Variants in SPTBN2 observed in about 807,000 individuals in gnomAD.
SPTBN2 encodes the protein spectrin beta chain, non-erythrocytic 2.
A neutral mutation model predicts 284.2 loss-of-function variants in SPTBN2; 107 were observed. The observed-to-expected ratio is 0.38, with a 90% CI of 0.32 to 0.44. The LOEUF (loss-of-function observed/expected upper bound fraction) is 0.44, where lower values mean the gene tolerates loss of function less well. SPTBN2 is among the 20% of genes least tolerant of loss of function. The pLI is 1.00. For synonymous variants in SPTBN2, 1,289 were observed against 1,354.8 expected, an observed-to-expected ratio of 0.95 and a Z score of 1.07; for missense variants, 2,569 against 3,287.1, an observed-to-expected ratio of 0.78 and a Z score of 5.34.
At chr11:66,740,889 G>A (rs1347621378) in intron 1 of SPTBN2, among the ~76,000 whole-genome samples, 1 of 152,076 alleles carries the variant, frequency 6.6e-6, no homozygotes, top group African/African-American at 2.4e-5. Flanking sequence ...AACAAGGTGG[G>A]GCCTTAAGAA....
chr11:66,727,712 C>A (rs1942671325), intron 1 of SPTBN2, among the ~76,000 whole-genome samples: 2 of 152,010 alleles, frequency 1.3e-5, no homozygotes, highest in Admixed American at 1.3e-4. Context: ...GCCAAAGAGG[C>A]GAGGAGGAGC....
In SPTBN2 at chr11:66,700,777, C is replaced by A. The variant is rs1477945668; in HGVS notation, c.3322G>T (p.Ala1108Ser). ...CGCTCCACCTCTCCCCGCAGGGCTG[C>A]ATGTTGGGCCAGGAGGGCCTCTGCC... ...PEAEALLAQHAALRGEVERAQ... is the reference protein window; with the variant it reads ...PEAEALLAQHSALRGEVERAQ... Residue 1108 changes from alanine (A) to serine (S), a missense_variant, in exon 17 of 38, where the codon GCA becomes TCA. Around this residue, in one of 6 missense-constraint regions of SPTBN2, gnomAD observed 1,012 missense variants for 1,248.9 expected, o/e 0.81. Coordinates refer to ENST00000533211, the MANE Select transcript of SPTBN2 (RefSeq NM_006946.4). The surrounding 1 kb of genome is among the most constrained non-coding windows in gnomAD (Gnocchi z 6.6). 1.2e-6 allele frequency: 2 copies of A among 1,601,862 alleles called. No individual in the cohort carries two copies. Among genetic ancestry groups the A allele is most frequent in the South Asian group, 2.2e-5 (2 of 91,054 alleles).
chr11:66,699,282 C>T (rs2135401347), intron 18 of SPTBN2, 124 bp downstream of exon 18: 1 of 1,327,950 alleles, frequency 7.5e-7, no homozygotes, highest in East Asian at 2.4e-5. Context: ...TAGTTCTTCC[C>T]CTCTACTTCT....
At position 66,705,483 on chromosome 11, in the gene SPTBN2, G is replaced by C. The variant is rs763704842; in HGVS notation, c.1808-15C>G. On this transcript the variant is annotated splice_polypyrimidine_tract_variant and intron_variant, in intron 14 of 37. Transcript: ENST00000533211. ...AGGTCTATACTCTGAGAAAGTCACA[G>C]GAGAGGGTCAGAGCCTTAACCCAGC... 6.2e-7 allele frequency: 1 copy of C among 1,612,862 alleles called. No homozygotes were observed. The highest frequency in any genetic ancestry group is 2.2e-5 in the East Asian group (1 of 44,884).
At chr11:66,737,848 G>A (rs1291971897) in intron 1 of SPTBN2, among the ~76,000 whole-genome samples, 4 of 152,110 alleles carry the variant, frequency 2.6e-5, no homozygotes, top group Non-Finnish European at 5.9e-5. Context: ...AAGAGGTGGG[G>A]ATAAAGGAAA....
At chr11:66,724,591 G>A (rs1942546554) in intron 1 of SPTBN2, among the ~76,000 whole-genome samples, 1 of 152,140 alleles carries the variant, frequency 6.6e-6, no homozygotes, top group African/African-American at 2.4e-5. Flanking sequence ...ATCTGACCCT[G>A]TCTCCAAACC....
In SPTBN2 at chr11:66,685,564, G is replaced by A; in HGVS notation, c.*307C>T. 2.5e-6 allele frequency: 1 copy of A among 399,836 alleles called. No individual in the cohort carries two copies. The highest frequency in any genetic ancestry group is 4.8e-6 in the Non-Finnish European group (1 of 210,378). 24.8% of individuals were successfully genotyped at this position (399,836 alleles called of 1,614,324 possible). On this transcript the variant is annotated 3_prime_UTR_variant, in exon 38 of 38. Coordinates refer to ENST00000533211, the MANE Select transcript of SPTBN2 (RefSeq NM_006946.4). This position sits in a 1 kb window ranked among gnomAD's most constrained non-coding sequence, Gnocchi z 4.4. ...AGCCACTCCCCACATGGCCTATGTT[G>A]AGGGTGCGGCACTGTCCACACCGTG... is the stretch of plus-strand genomic sequence containing the variant.
chr11:66,742,895 C>A (rs1363480862), intron 1 of SPTBN2, among the ~76,000 whole-genome samples: 2 of 152,218 alleles, frequency 1.3e-5, no homozygotes, highest in Non-Finnish European at 2.9e-5. Context: ...CAGGCGTGAG[C>A]CACTGCGCCC....
intron 1 of SPTBN2, chr11:66,728,202 G>T (rs1665813286): frequency 6.9e-6 from 1 of 145,748 alleles, no homozygotes; most frequent in African/African-American, 2.5e-5. Flanking sequence ...GGCGCGGCGG[G>T]CGGGGGCGCA....
chr11:66,701,041 G>C lies in SPTBN2; in HGVS notation c.3058C>G (p.Arg1020Gly), dbSNP rs1198912592. The part of the protein sequence containing the change: ...AIAARVGELT[R>G]EANALAAGHP... ...CCGGCAGCCAGGGCATTTGCCTCTC[G>C]AGTCAGTTCGCCCACCCGGGCGGCG... Residue 1020 changes from arginine (R) to glycine (G), a missense_variant, in exon 17 of 38, where the codon CGA (arginine) becomes GGA (glycine). Transcript: ENST00000533211. 1 of 1,609,382 alleles carries C rather than the reference G, an allele frequency of 6.2e-7. No individual in the cohort carries two copies. The highest frequency in any genetic ancestry group is 8.5e-7 in the Non-Finnish European group (1 of 1,179,842).
At position 66,704,615 on chromosome 11, in the gene SPTBN2, C is replaced by G. The variant is rs775489566; in HGVS notation, c.2661G>C (p.Leu887=). 3.1e-6 allele frequency: 5 copies of G among 1,612,058 alleles called. No individual in the cohort carries two copies. In the African/African-American group the frequency reaches 5.3e-5, roughly 17 times the overall value. Residue 887 remains leucine (L), a synonymous_variant, in exon 15 of 38, where the codon CTG becomes CTC. Transcript: ENST00000533211. ...GGGCCTACCTCTGCTGCACGACCTCCAGGTCCTCCAGGCGTTCAGGCAGGG... is the reference window on the plus strand; with the variant it reads ...GGGCCTACCTCTGCTGCACGACCTCGAGGTCCTCCAGGCGTTCAGGCAGGG... ...GLALPERLED[L]EVVQQRFETL... is the part of the protein sequence containing the mutation.
In SPTBN2 at chr11:66,684,332, A is replaced by G. The variant is rs1036129912; in HGVS notation, c.*1539T>C. ...GCCACCCGCTCCTTTCTAATACTTC[A>G]TCAGATCCAGAAGGTAGTCTCAGCT... On this transcript the variant is annotated 3_prime_UTR_variant, in exon 38 of 38. Transcript: ENST00000533211. Among the ~76,000 whole-genome samples the G allele has an allele frequency of 2.6e-5, 4 of 152,146 alleles. No individual in the cohort carries two copies. The highest frequency in any genetic ancestry group is 7.2e-5 in the African/African-American group (3 of 41,418).
chr11:66,720,501 G>T (rs1050624491), intron 3 of SPTBN2, among the ~76,000 whole-genome samples: 1 of 152,224 alleles, frequency 6.6e-6, no homozygotes, highest in African/African-American at 2.4e-5. Context: ...CTGGGCTGCA[G>T]GGAAGAGTAG....
chr11:66,699,570 G>T lies in SPTBN2; in HGVS notation c.3612C>A (p.Leu1204=). ...TTTTAATGGCAGCATCAGCAGCCTG[G>T]AGTGTCCCTGGCATCTCCGTGTGAG... ...VLSHTEMPGT[L]QAADAAIKKL... is the part of the protein sequence containing the mutation. The change falls in exon 18 of 38, where the codon CTC becomes CTA. Residue 1204 remains leucine, a synonymous_variant. Transcript: ENST00000533211. 6.2e-7 allele frequency: 1 copy of T among 1,614,166 alleles called. No individual in the cohort carries two copies. Among genetic ancestry groups the T allele is most frequent in the Non-Finnish European group, 8.5e-7 (1 of 1,180,040 alleles).
intron 36 of SPTBN2, 137 bp downstream of exon 36, chr11:66,686,857 C>T: frequency 8.5e-7 from 1 of 1,180,078 alleles, no homozygotes; most frequent in African/African-American, 1.5e-5. Context: ...CTCATCTACA[C>T]TATCCCCAAG....
chr11:66,715,907 C>T lies in SPTBN2; in HGVS notation c.232G>A (p.Val78Met), dbSNP rs149918123. 4.3e-6 allele frequency: 7 copies of T among 1,614,042 alleles called. No homozygotes were observed. The African/African-American group carries it at 8.0e-5, about 18-fold the overall frequency. ...NSHLARVTCRVGDLYSDLRDG... is the reference protein window; with the variant it reads ...NSHLARVTCRMGDLYSDLRDG... ...CGGAGGTCGCTGTACAGGTCCCCCACCCGGCACGTGACCCGGGCCAGGTGC... is the reference window on the plus strand; with the variant it reads ...CGGAGGTCGCTGTACAGGTCCCCCATCCGGCACGTGACCCGGGCCAGGTGC... Residue 78 changes from valine to methionine, a missense_variant, in exon 4 of 38, where the codon GTG becomes ATG. By Grantham distance (21) the Val-to-Met change is conservative. This residue lies in a region of SPTBN2 where 304 missense variants were observed against 522.1 expected (regional missense o/e 0.58). Transcript: ENST00000533211. This position sits in a 1 kb window ranked among gnomAD's most constrained non-coding sequence, Gnocchi z 5.3.
At position 66,723,019 on chromosome 11, in the gene SPTBN2, G is replaced by A. The variant is rs114007397; in HGVS notation, c.-113-1579C>T. The stretch of plus-strand genomic sequence containing the variant: ...GACACGCTCTTAATCGCAGCCTCTT[G>A]AACATAGAACATACACAGGTTCCTC... On this transcript the variant is annotated intron_variant, in intron 1 of 37. Coordinates refer to ENST00000533211, the MANE Select transcript of SPTBN2 (RefSeq NM_006946.4). 6.5e-3 allele frequency among the ~76,000 whole-genome samples: 994 copies of A among 151,782 alleles called. 8 individuals carry two copies. Among genetic ancestry groups the A allele is most frequent in the African/African-American group, 0.022 (927 of 41,384 alleles).
In SPTBN2 at chr11:66,693,265, T is replaced by A; in HGVS notation, c.4775A>T (p.Gln1592Leu). ...CGCCTCGGCGGCATCGCGGTAGAAC[T>A]GCTGGGCTCGCAGGGCATCCTCCAG... ...KRLEDALRAQ[Q>L]FYRDAAEAEA... is the part of the protein sequence containing the mutation. The change falls in exon 24 of 38, where the codon CAG (glutamine) becomes CTG (leucine). Residue 1592 changes from glutamine (Q) to leucine (L), a missense_variant. Physicochemically the swap from Gln to Leu is moderately radical, Grantham distance 113. Transcript: ENST00000533211. This position sits in a 1 kb window ranked among gnomAD's most constrained non-coding sequence, Gnocchi z 5.7. 6.2e-7 allele frequency: 1 copy of A among 1,614,104 alleles called. No individual in the cohort carries two copies. Among genetic ancestry groups the A allele is most frequent in the Non-Finnish European group, 8.5e-7 (1 of 1,180,038 alleles).
rs1295125903 is a variant in SPTBN2, at chr11:66,682,784, A to T, written c.*3087T>A. ...ATAATCCTATTTTTTTTTTTTTGAG[A>T]CAGGGTCTCACTTTATTGCCTAGAC... On this transcript the variant is annotated 3_prime_UTR_variant, in exon 38 of 38. Transcript: ENST00000533211. Among the ~76,000 whole-genome samples the T allele has an allele frequency of 1.3e-5, 2 of 150,962 alleles. No individual in the cohort carries two copies. Among genetic ancestry groups the T allele is most frequent in the African/African-American group, 2.4e-5 (1 of 41,022 alleles).
Sources: gnomAD v4.1 joint callset for allele counts (sites outside exome capture counted in the v4.1 genomes callset) on GRCh38, gnomAD v4.1.1 for gene constraint, gnomAD v4.1.1 regional missense constraint, Gnocchi (gnomAD v3.1) non-coding constraint, MANE v1.5 for transcripts, NCBI Gene and HGNC (gene_info 2026-07-23, HGNC 2026-07-21) for gene names.